Variants in ADAMTS15 observed in about 807,000 individuals in gnomAD.
ADAMTS15 encodes ADAM metallopeptidase with thrombospondin type 1 motif 15.
A neutral mutation model predicts 79.1 loss-of-function variants in ADAMTS15; 35 were observed. That is an observed-to-expected ratio of 0.44 (90% CI 0.34 to 0.59). The LOEUF (loss-of-function observed/expected upper bound fraction) is 0.59. Among genes scored for constraint, ADAMTS15 ranks in the 20% least tolerant of loss-of-function variants. The pLI, the probability that ADAMTS15 is intolerant of heterozygous loss-of-function variation, is 0.02. For synonymous variants in ADAMTS15, 616 were observed against 567.3 expected, an observed-to-expected ratio of 1.09 and a Z score of -1.22; for missense variants, 1,324 against 1,318.7, an observed-to-expected ratio of 1.00 and a Z score of -0.06.
chr11:130,458,069 G>T (rs1265279115), intron 1 of ADAMTS15, among the ~76,000 whole-genome samples: 2 of 152,150 alleles, frequency 1.3e-5, no homozygotes, highest in Non-Finnish European at 2.9e-5. Flanking sequence ...GCATGTCTTT[G>T]CTCCAGAGAA....
rs550119534 is a variant in ADAMTS15, at chr11:130,476,323, G to C, written c.*2502G>C. ...TTCCCTAGCCTCCTCTGCCCATCGC[G>C]TGCACTGATTGGAGGAGTCTGGCCC... On this transcript the variant is annotated 3_prime_UTR_variant, in exon 8 of 8. Coordinates refer to ENST00000299164, the MANE Select transcript of ADAMTS15 (RefSeq NM_139055.4). 2 of 152,172 alleles carry C rather than the reference G, an allele frequency of 1.3e-5. No homozygotes were observed. The highest frequency in any genetic ancestry group is 4.8e-5 in the African/African-American group (2 of 41,426). 9.4% of individuals were successfully genotyped at this position (152,172 alleles called of 1,614,324 possible).
intron 4 of ADAMTS15, among the ~76,000 whole-genome samples, chr11:130,468,799 T>C (rs1938360085): frequency 6.8e-6 from 1 of 147,988 alleles, no homozygotes; most frequent in Non-Finnish European, 1.5e-5. Flanking sequence ...TAGCCGGGCA[T>C]GGTAGCCGGC....
At position 130,449,253 on chromosome 11, in the gene ADAMTS15, G is replaced by T. The variant is rs149595264; in HGVS notation, c.280G>T (p.Gly94Cys). 6.2e-7 allele frequency: 1 copy of T among 1,613,260 alleles called. No homozygotes were observed. Among genetic ancestry groups the T allele is most frequent in the African/African-American group, 1.3e-5 (1 of 74,938 alleles). Reference protein sequence around the residue: ...LGVPLQGLTGGSSDLRRCFYS... With the variant: ...LGVPLQGLTGCSSDLRRCFYS... Reference sequence around the variant, plus strand: ...CGTCCCCCTCCAGGGGCTCACCGGGGGCTCTTCAGACCTGCGACGCTGCTT... The same window carrying T: ...CGTCCCCCTCCAGGGGCTCACCGGGTGCTCTTCAGACCTGCGACGCTGCTT... The change falls in exon 1 of 8, where the codon GGC (glycine) becomes TGC (cysteine). Residue 94 changes from glycine to cysteine, a missense_variant. By Grantham distance (159) the Gly-to-Cys change is radical (BLOSUM62 -3). Coordinates refer to ENST00000299164, the MANE Select transcript of ADAMTS15 (RefSeq NM_139055.4). This position sits in a 1 kb window ranked among gnomAD's most constrained non-coding sequence, Gnocchi z 7.8.
In ADAMTS15 at chr11:130,468,793, C is replaced by A. The variant is rs1271477433; in HGVS notation, c.1543-469C>A. Among the ~76,000 whole-genome samples, 10 of 149,892 alleles carry A rather than the reference C, an allele frequency of 6.7e-5. No homozygotes were observed. In the East Asian group the frequency reaches 1.8e-3, roughly 26 times the overall value. On this transcript the variant is annotated intron_variant, in intron 4 of 7. Transcript: ENST00000299164. ...AAAAAAAAAAAAAAAAATAATTAGC[C>A]GGGCATGGTAGCCGGCACCTGTAAT... is the stretch of plus-strand genomic sequence containing the variant.
chr11:130,464,757 T>G (rs1409461492), intron 4 of ADAMTS15, among the ~76,000 whole-genome samples: 2 of 152,034 alleles, frequency 1.3e-5, no homozygotes, highest in Non-Finnish European at 2.9e-5. Context: ...CCTTGAGCCC[T>G]GGAGTTTGAG....
rs1456210974 is a variant in ADAMTS15 at position 130,474,721 on chromosome 11, TGGGAGATGTCACCCTGGGATAGGGAGGA to T, written c.*903_*930del. ...TGGTGCTGAGCTCTGGGCCTGGCTTTGGGAGATGTCACCCTGGGATAGGGAGGAGGAAGCTGCATTTCTAATGGCTTCC... is the reference window on the plus strand; with the variant it reads ...TGGTGCTGAGCTCTGGGCCTGGCTTTGGAAGCTGCATTTCTAATGGCTTCC... On this transcript the variant is annotated 3_prime_UTR_variant, in exon 8 of 8. Coordinates refer to ENST00000299164, the MANE Select transcript of ADAMTS15 (RefSeq NM_139055.4). The T allele has an allele frequency of 6.6e-6, 1 of 152,360 alleles. No homozygotes were observed. The highest frequency in any genetic ancestry group is 1.5e-5 in the Non-Finnish European group (1 of 68,168). 9.4% of individuals were successfully genotyped at this position (152,360 alleles called of 1,614,324 possible).
chr11:130,450,007 C>T (rs1203233963), intron 1 of ADAMTS15, 77 bp downstream of exon 1: 4 of 1,545,828 alleles, frequency 2.6e-6, no homozygotes, highest in Admixed American at 1.8e-5. Context: ...TCCAAATCCC[C>T]TTTGTATCGT....
intron 7 of ADAMTS15, among the ~76,000 whole-genome samples, chr11:130,471,673 G>A (rs577552613): frequency 9.8e-5 from 15 of 152,302 alleles, no homozygotes; most frequent in African/African-American, 3.4e-4. Flanking sequence ...GGGCTGTATA[G>A]TGTTCTAGAG....
At chr11:130,456,974 T>C (rs1938094327) in intron 1 of ADAMTS15, among the ~76,000 whole-genome samples, 1 of 152,194 alleles carries the variant, frequency 6.6e-6, no homozygotes, top group South Asian at 2.1e-4. Flanking sequence ...GGCTCATGCC[T>C]GTAATCCCAG....
chr11:130,465,255 C>T (rs1311692996), intron 4 of ADAMTS15, among the ~76,000 whole-genome samples: 2 of 152,174 alleles, frequency 1.3e-5, no homozygotes, highest in Non-Finnish European at 1.5e-5. Flanking sequence ...GACCTGCTTC[C>T]GCACCTGTTC....
intron 5 of ADAMTS15, among the ~76,000 whole-genome samples, chr11:130,470,162 A>ACG (rs1565397684): frequency 4.2e-4 from 24 of 56,568 alleles, no homozygotes; most frequent in Non-Finnish European, 7.3e-4. Context: ...GTGTATATAT[A>ACG]TATATATATA....
rs1937897510 is a variant in ADAMTS15 at position 130,449,182 on chromosome 11, C to T, written c.209C>T (p.Pro70Leu). 1 of 1,612,506 alleles carries T rather than the reference C, an allele frequency of 6.2e-7. No individual in the cohort carries two copies. Among genetic ancestry groups the T allele is most frequent in the South Asian group, 1.1e-5 (1 of 91,044 alleles). Residue 70 changes from proline (P) to leucine (L), a missense_variant, in exon 1 of 8, where the codon CCG becomes CTG. By Grantham distance (98) the Pro-to-Leu change is moderately conservative. Transcript: ENST00000299164. This position sits in a 1 kb window ranked among gnomAD's most constrained non-coding sequence, Gnocchi z 7.8. ...GAGGACTTTTACCTACACCTGACGC[C>T]GGATGCTCAGTTCTTGGCTCCCGCC... ...FQEDFYLHLT[P>L]DAQFLAPAFS...
Position 130,462,482 on chromosome 11 carries a change from C to T in ADAMTS15, c.1259-15C>T, listed in dbSNP as rs777448590. ...TTCCCAGCTCATCCTAACGAACGCC[C>T]TCGGCTCTCTGCAGGTGACTGCCTC... On this transcript the variant is annotated splice_polypyrimidine_tract_variant and intron_variant, in intron 3 of 7. Transcript: ENST00000299164. This position sits in a 1 kb window ranked among gnomAD's most constrained non-coding sequence, Gnocchi z 4.3. The T allele has an allele frequency of 3.8e-6, 6 of 1,572,208 alleles. No homozygotes were observed. Among genetic ancestry groups the T allele is most frequent in the Admixed American group, 1.7e-5 (1 of 57,624 alleles).
chr11:130,476,617 C>T lies in ADAMTS15; in HGVS notation c.*2796C>T, dbSNP rs1177377636. The T allele has an allele frequency of 1.3e-5, 2 of 152,244 alleles. No individual in the cohort carries two copies. The highest frequency in any genetic ancestry group is 4.8e-5 in the African/African-American group (2 of 41,438). The allele number at this position is 152,244 out of a possible 1,614,324, so 9.4% of individuals were successfully genotyped here. ...CTGCTGAGGTGACCACAGCCTTCTC[C>T]TAATAAAGCTGTAAGTATTTAAAAC... On this transcript the variant is annotated 3_prime_UTR_variant, in exon 8 of 8. Coordinates refer to ENST00000299164, the MANE Select transcript of ADAMTS15 (RefSeq NM_139055.4).
Position 130,473,202 on chromosome 11 carries a change from C to T in ADAMTS15, c.2234C>T (p.Ala745Val), listed in dbSNP as rs565061151. 130 of 1,613,980 alleles carry T rather than the reference C, an allele frequency of 8.1e-5. 2 individuals carry two copies. In the South Asian group the frequency reaches 1.3e-3, roughly 16 times the overall value. Reference sequence around the variant, plus strand: ...CTCAACGGGCATTTCGTGGTGTCGGCGGTGGAGCGGGACCTGGTGGTGAAG... The same window carrying T: ...CTCAACGGGCATTTCGTGGTGTCGGTGGTGGAGCGGGACCTGGTGGTGAAG... ...YLLNGHFVVS[A>V]VERDLVVKGS... Residue 745 changes from alanine to valine, a missense_variant, in exon 8 of 8, where the codon GCG (alanine) becomes GTG (valine). By Grantham distance (64) the Ala-to-Val change is moderately conservative (BLOSUM62 0). Coordinates refer to ENST00000299164, the MANE Select transcript of ADAMTS15 (RefSeq NM_139055.4).
Position 130,462,181 on chromosome 11 carries a change from C to A in ADAMTS15, c.1185C>A (p.Ile395=). Residue 395 remains isoleucine (I), a synonymous_variant, in exon 3 of 8, where the codon ATC becomes ATA. Coordinates refer to ENST00000299164, the MANE Select transcript of ADAMTS15 (RefSeq NM_139055.4). This position sits in a 1 kb window ranked among gnomAD's most constrained non-coding sequence, Gnocchi z 4.3. ...RANHMMSPTL[I]QIDRANPWSA... ...ACCACATGATGTCCCCGACCCTCATCCAGATCGACCGTGCCAACCCCTGGT... is the reference window on the plus strand; with the variant it reads ...ACCACATGATGTCCCCGACCCTCATACAGATCGACCGTGCCAACCCCTGGT... 1 of 1,614,210 alleles carries A rather than the reference C, an allele frequency of 6.2e-7. No individual in the cohort carries two copies. The highest frequency in any genetic ancestry group is 1.1e-5 in the South Asian group (1 of 91,084).
At position 130,456,180 on chromosome 11, in the gene ADAMTS15, A is replaced by G. The variant is rs564579923; in HGVS notation, c.958-5309A>G. Among the ~76,000 whole-genome samples, 8 of 152,294 alleles carry G rather than the reference A, an allele frequency of 5.3e-5. No homozygotes were observed. In the South Asian group the frequency reaches 1.5e-3, roughly 28 times the overall value. On this transcript the variant is annotated intron_variant, in intron 1 of 7. Transcript: ENST00000299164. The stretch of plus-strand genomic sequence containing the variant: ...CTGTGAGGATTAAATGAATGAAGGC[A>G]GATAAAACTCTCGCGACAGTCTGGC...
chr11:130,473,608 A>G lies in ADAMTS15; in HGVS notation c.2640A>G (p.Ala880=), dbSNP rs1399666863. 1.9e-6 allele frequency: 3 copies of G among 1,609,874 alleles called. No homozygotes were observed. In the Admixed American group the frequency reaches 5.0e-5, roughly 27 times the overall value. Residue 880 remains alanine, a synonymous_variant, in exon 8 of 8, where the codon GCA becomes GCG. Coordinates refer to ENST00000299164, the MANE Select transcript of ADAMTS15 (RefSeq NM_139055.4). The part of the protein sequence containing the change: ...AGQRTVPACD[A]AHRPVETQAC... ...AGCGCACGGTCCCTGCCTGTGATGC[A>G]GCCCATCGGCCCGTGGAGACACAAG... is the stretch of plus-strand genomic sequence containing the variant.
In ADAMTS15 at chr11:130,471,269, T is replaced by C. The variant is rs971546453; in HGVS notation, c.1964T>C (p.Ile655Thr). The C allele has an allele frequency of 6.2e-7, 1 of 1,612,904 alleles. No individual in the cohort carries two copies. Among genetic ancestry groups the C allele is most frequent in the Non-Finnish European group, 8.5e-7 (1 of 1,179,762 alleles). ...TCCGTCTGTGTCCAAGGCAAGTGCA[T>C]CAAGGCTGGCTGTGATGGGAACCTG... ...STSVCVQGKC[I>T]KAGCDGNLGS... Residue 655 changes from isoleucine to threonine, a missense_variant, in exon 7 of 8, where the codon ATC becomes ACC. Physicochemically the swap from Ile to Thr is moderately conservative, Grantham distance 89. Coordinates refer to ENST00000299164, the MANE Select transcript of ADAMTS15 (RefSeq NM_139055.4).
Sources: gnomAD v4.1 joint callset for allele counts (sites outside exome capture counted in the v4.1 genomes callset) on GRCh38, gnomAD v4.1.1 for gene constraint, Gnocchi (gnomAD v3.1) non-coding constraint, MANE v1.5 for transcripts, NCBI Gene and HGNC (gene_info 2026-07-23, HGNC 2026-07-21) for gene names.